Variants in SSUH2 observed in about 807,000 individuals in gnomAD.
The protein encoded by SSUH2 is ssu-2 homolog.
A neutral mutation model predicts 55.3 loss-of-function variants in SSUH2; 47 were observed. That is an observed-to-expected ratio of 0.85 (90% CI 0.67 to 1.08). The LOEUF is 1.08. SSUH2 is among the 50% of genes least tolerant of loss of function. SSUH2 has a pLI of 0.00. For synonymous variants in SSUH2, 212 were observed against 191.5 expected (o/e 1.11, Z -0.89); for missense variants, 535 against 490.7 (o/e 1.09, Z -0.85).
chr3:8,635,086 T>C (rs542190346), intron 3 of SSUH2, among the ~76,000 whole-genome samples: 1 of 152,330 alleles, frequency 6.6e-6, no homozygotes, highest in Admixed American at 6.5e-5. Flanking sequence ...TGATCTAGAC[T>C]ATGGTTTTCA....
chr3:8,654,273 G>A (rs559885699), intron 7 of SSUH2, among the ~76,000 whole-genome samples: 2 of 152,222 alleles, frequency 1.3e-5, no homozygotes, highest in East Asian at 3.9e-4. Flanking sequence ...ACCTAATTAC[G>A]TCCTAAAGAC....
chr3:8,654,559 G>A (rs1270770721), intron 7 of SSUH2, among the ~76,000 whole-genome samples: 1 of 152,230 alleles, frequency 6.6e-6, no homozygotes, highest in Non-Finnish European at 1.5e-5. Context: ...CTACACATGT[G>A]TGTGTGTTTC....
At chr3:8,670,174 C>A (rs1476500741) in intron 5 of SSUH2, among the ~76,000 whole-genome samples, 6 of 152,074 alleles carry the variant, frequency 3.9e-5, no homozygotes, top group Non-Finnish European at 7.4e-5. Context: ...AACGAGGATA[C>A]AACTGGCCCT....
chr3:8,633,931 G>A (rs780472488), intron 3 of SSUH2, 136 bp from the exon 4 acceptor site: 75 of 1,613,888 alleles, frequency 4.6e-5, no homozygotes, highest in Non-Finnish European at 6.1e-5. Flanking sequence ...TCCAACTGGG[G>A]AGGGCATCTC....
rs4441641 is a variant in SSUH2 at position 8,678,620 on chromosome 3, C to T, written c.-901+1085G>A. On this transcript the variant is annotated intron_variant, in intron 2 of 18. Coordinates refer to the SSUH2 transcript ENST00000317371. The stretch of plus-strand genomic sequence containing the variant: ...GGACTGAGAGCCAGCCCTTCTTCCC[C>T]CCCGGCTTTTGGGACCCCCATCGCA... Among the ~76,000 whole-genome samples, 145 of 37,488 alleles carry T rather than the reference C, an allele frequency of 3.9e-3. 18 individuals carry two copies. The East Asian group carries it at 0.079, about 21-fold the overall frequency. The allele number at this position is 37,488 out of a possible 152,430, so 24.6% of individuals were successfully genotyped here.
At chr3:8,645,741 AC>A (rs777026671), upstream of SSUH2, among the ~76,000 whole-genome samples, 20 of 152,240 alleles carry the variant, frequency 1.3e-4, no homozygotes, top group Non-Finnish European at 2.5e-4. Context: ...AAGCATCAGG[AC>A]TATTTTGTCA....
At chr3:8,642,897 G>A (rs1391891992) in intron 1 of SSUH2, among the ~76,000 whole-genome samples, 1 of 152,042 alleles carries the variant, frequency 6.6e-6, no homozygotes. Flanking sequence ...GTTTCCCTGG[G>A]TGCCTCTATA....
At chr3:8,656,125 AAG>A (rs1270548637) in intron 7 of SSUH2, among the ~76,000 whole-genome samples, 1 of 152,232 alleles carries the variant, frequency 6.6e-6, no homozygotes, top group African/African-American at 2.4e-5. Flanking sequence ...CAAAAAGAGA[AAG>A]AGAGAGACCA....
chr3:8,623,758 G>A (rs1696947341), intron 10 of SSUH2, 102 bp from the exon 11 acceptor site: 1 of 616,174 alleles, frequency 1.6e-6, no homozygotes, highest in Non-Finnish European at 2.9e-6. Flanking sequence ...AGACAGAGAA[G>A]GGGGCTGAGA....
At chr3:8,635,259 T>C (rs3816911) in intron 3 of SSUH2, 41 bp downstream of exon 3, 1,221,329 of 1,480,052 alleles carry the variant, frequency 0.83, 509,892 homozygotes, top group Non-Finnish European at 0.85. Flanking sequence ...AATAGTGACA[T>C]AGGAAATGCA....
intron 5 of SSUH2, among the ~76,000 whole-genome samples, chr3:8,669,776 G>C (rs906545583): frequency 6.6e-6 from 1 of 152,040 alleles, no homozygotes; most frequent in Admixed American, 6.6e-5. Context: ...CCAAACTAAG[G>C]GACATTCTAT....
intron 2 of SSUH2, among the ~76,000 whole-genome samples, chr3:8,679,139 A>AC (rs201229204): frequency 0.036 from 2,215 of 61,084 alleles, 504 homozygotes; most frequent in African/African-American, 0.11. Flanking sequence ...GGGGGGAGGC[A>AC]CCCCCGCGAG....
At chr3:8,679,043 A>C (rs1317866100) in intron 2 of SSUH2, among the ~76,000 whole-genome samples, 41 of 89,012 alleles carry the variant, frequency 4.6e-4, no homozygotes, top group South Asian at 1.7e-3. Context: ...TTAGGACACC[A>C]AACGCAGGGG....
At chr3:8,665,414 C>A (rs959293804) in intron 5 of SSUH2, among the ~76,000 whole-genome samples, 1 of 152,162 alleles carries the variant, frequency 6.6e-6, no homozygotes, top group South Asian at 2.1e-4. Context: ...TCTGTTGACA[C>A]AGGGAGAGGT....
chr3:8,634,192 C>T (rs1214625659), intron 3 of SSUH2: 1 of 594,894 alleles, frequency 1.7e-6, no homozygotes, highest in African/African-American at 1.9e-5. Context: ...CCCTCGGGTA[C>T]CTTGACCTTA....
At chr3:8,629,633 C>CTGACTTACCAGTGGTTCACAGA in intron 7 of SSUH2, 31 bp downstream of exon 7, 1 of 1,587,722 alleles carries the variant, frequency 6.3e-7, no homozygotes, top group Non-Finnish European at 8.6e-7. Context: ...CACACCCTCA[C>CTGACTTACCAGTGGTTCACAGA]TGACTCACCA....
chr3:8,635,940 C>G (rs960452813), intron 1 of SSUH2, 83 bp from the exon 2 acceptor site: 1 of 1,214,546 alleles, frequency 8.2e-7, no homozygotes, highest in Non-Finnish European at 1.1e-6. Flanking sequence ...GAAATTAGGG[C>G]GGGTGCATTA....
At chr3:8,634,086 G>A in intron 3 of SSUH2, 2 of 854,764 alleles carry the variant, frequency 2.3e-6, no homozygotes, top group Non-Finnish European at 3.6e-6. Context: ...CAACCTTAGA[G>A]AGGAATTGTA....
At chr3:8,629,479 A>G (rs1698303066) in intron 7 of SSUH2, 185 bp downstream of exon 7, 2 of 597,404 alleles carry the variant, frequency 3.3e-6, no homozygotes, top group Non-Finnish European at 6.0e-6. Flanking sequence ...GTGTCATTAG[A>G]GACCACACAA....
Sources: gnomAD v4.1 joint callset for allele counts (sites outside exome capture counted in the v4.1 genomes callset) on GRCh38, gnomAD v4.1.1 for gene constraint, MANE v1.5 for transcripts, NCBI Gene and HGNC (gene_info 2026-07-23, HGNC 2026-07-21) for gene names.